SWT1: variants seen among roughly 807,000 people sequenced by gnomAD.
The protein encoded by SWT1 is SWT1 RNA endoribonuclease homolog.
Under a neutral mutation model 107.3 loss-of-function variants are expected in SWT1, and 33 were observed. That is an observed-to-expected ratio of 0.31 (90% CI 0.23 to 0.41). SWT1 has a LOEUF of 0.41. Among genes scored for constraint, SWT1 ranks in the 10% least tolerant of loss-of-function variants. The pLI is 1.00. For synonymous variants in SWT1, 345 were observed against 348.3 expected (o/e 0.99, Z 0.11); for missense variants, 898 against 1,028.9 (o/e 0.87, Z 1.74).
intron 16 of SWT1, chr1:185,266,699 G>A (rs1215392383): frequency 7.0e-6 from 1 of 143,714 alleles, no homozygotes; most frequent in Admixed American, 7.1e-5. Flanking sequence ...ATATTGATTT[G>A]TATTTACTAT....
intron 11 of SWT1, among the ~76,000 whole-genome samples, chr1:185,204,284 A>C (rs993416601): frequency 6.6e-6 from 1 of 152,114 alleles, no homozygotes; most frequent in Non-Finnish European, 1.5e-5. Flanking sequence ...CTCAAAAGAA[A>C]AAAAAAAAGA....
chr1:185,269,197 T>C (rs2102723942), intron 16 of SWT1, among the ~76,000 whole-genome samples: 1 of 152,296 alleles, frequency 6.6e-6, no homozygotes, highest in East Asian at 1.9e-4. Context: ...CACACTAGTT[T>C]GTTTCCCTTG....
At chr1:185,184,169 C>G in intron 7 of SWT1, 74 bp from the exon 8 acceptor site, 1 of 704,248 alleles carries the variant, frequency 1.4e-6, no homozygotes, top group East Asian at 2.8e-5. Context: ...TTCAATGCTT[C>G]TGTAATATCA....
intron 15 of SWT1, chr1:185,226,745 T>C (rs569741604): frequency 5.9e-6 from 3 of 511,446 alleles, no homozygotes; most frequent in Non-Finnish European, 9.5e-6. Flanking sequence ...TTTTTTTTTT[T>C]TTTGCTGTCC....
intron 16 of SWT1, among the ~76,000 whole-genome samples, chr1:185,247,016 T>C (rs1396769507): frequency 6.6e-6 from 1 of 152,208 alleles, no homozygotes; most frequent in African/African-American, 2.4e-5. Flanking sequence ...AATAGTGGCA[T>C]CAGCTCTTTT....
chr1:185,241,538 C>A (rs1661254599), intron 16 of SWT1, among the ~76,000 whole-genome samples: 1 of 152,038 alleles, frequency 6.6e-6, no homozygotes, highest in East Asian at 1.9e-4. Context: ...TTGCTTCATC[C>A]TTCATGCCAC....
Position 185,239,852 on chromosome 1 carries a change from T to C in SWT1, c.2441+8144T>C, listed in dbSNP as rs905318733. Among the ~76,000 whole-genome samples, 4 of 152,106 alleles carry C rather than the reference T, an allele frequency of 2.6e-5. No homozygotes were observed. In the South Asian group the frequency reaches 8.3e-4, roughly 31 times the overall value. On this transcript the variant is annotated intron_variant, in intron 16 of 18. Transcript: ENST00000367500. ...CCTTTTGCTTAGTATATAAAGATGA[T>C]AAAGTTTCATTTGGAACAAAATTAA... is the stretch of plus-strand genomic sequence containing the variant.
intron 15 of SWT1, among the ~76,000 whole-genome samples, chr1:185,230,135 A>G (rs188757194): frequency 7.9e-5 from 12 of 152,344 alleles, no homozygotes; most frequent in African/African-American, 2.6e-4. Flanking sequence ...TTTGGAAAGT[A>G]TAAAGTAGGG....
At position 185,231,582 on chromosome 1, in the gene SWT1, A is replaced by T. The variant is rs1660510902; in HGVS notation, c.2315A>T (p.Asp772Val). 6.2e-7 allele frequency: 1 copy of T among 1,606,414 alleles called. No individual in the cohort carries two copies. Among genetic ancestry groups the T allele is most frequent in the South Asian group, 1.1e-5 (1 of 90,596 alleles). The stretch of plus-strand genomic sequence containing the variant: ...CTTTTTTTTCTCTATTTTAGCACGG[A>T]TGTATTTCAAAGATTGGGCTCAAAT... Reference protein sequence around the residue: ...VWITIYQNSTDVFQRLGSNSA... With the variant: ...VWITIYQNSTVVFQRLGSNSA... Residue 772 changes from aspartate to valine, a missense_variant, in exon 16 of 19, where the codon GAT (aspartate) becomes GTT (valine). Physicochemically the swap from Asp to Val is radical, Grantham distance 152. This residue lies in a region of SWT1 where 382 missense variants were observed against 460.0 expected (regional missense o/e 0.83). Transcript: ENST00000367500.
chr1:185,168,453 A>G lies in SWT1; in HGVS notation c.224+55A>G, dbSNP rs60373073. On this transcript the variant is annotated intron_variant, in intron 4 of 18. Transcript: ENST00000367500. ...TTGGTTTAGAATTATGAGACTAAATATTTGGATTTAAAAATTTTTTTTATT... is the reference window on the plus strand; with the variant it reads ...TTGGTTTAGAATTATGAGACTAAATGTTTGGATTTAAAAATTTTTTTTATT... 5.5e-4 allele frequency: 645 copies of G among 1,171,496 alleles called. 4 individuals are homozygous for G. In the African/African-American group the frequency reaches 9.9e-3, roughly 18 times the overall value. 72.6% of individuals were successfully genotyped at this position (1,171,496 alleles called of 1,614,324 possible).
chr1:185,181,340 T>C (rs1656003003), intron 6 of SWT1, among the ~76,000 whole-genome samples: 1 of 152,256 alleles, frequency 6.6e-6, no homozygotes, highest in South Asian at 2.1e-4. Flanking sequence ...TTTTTCTGTT[T>C]TGAGGTGCTC....
chr1:185,162,915 G>A (rs1654270321), intron 2 of SWT1, among the ~76,000 whole-genome samples: 1 of 151,360 alleles, frequency 6.6e-6, no homozygotes, highest in African/African-American at 2.4e-5. Context: ...CCTGAGAATC[G>A]TGCCACTGCA....
At chr1:185,171,564 A>C in intron 4 of SWT1, 1 of 438,250 alleles carries the variant, frequency 2.3e-6, no homozygotes, top group Non-Finnish European at 4.4e-6. Flanking sequence ...TTTTCTGCTC[A>C]CTTTGATCCT....
intron 12 of SWT1, among the ~76,000 whole-genome samples, chr1:185,206,338 G>C (rs1285474504): frequency 6.6e-6 from 1 of 152,164 alleles, no homozygotes; most frequent in Non-Finnish European, 1.5e-5. Flanking sequence ...CAAGTAGATT[G>C]AAGGACCTTA....
At chr1:185,160,122 G>A (rs1177925219) in intron 1 of SWT1, among the ~76,000 whole-genome samples, 1 of 152,190 alleles carries the variant, frequency 6.6e-6, no homozygotes, top group African/African-American at 2.4e-5. Context: ...AAAAGCATGT[G>A]ATTTGCCAAA....
intron 1 of SWT1, 24 bp from the exon 2 acceptor site, chr1:185,160,809 C>T (rs1488933668): frequency 6.5e-7 from 1 of 1,545,674 alleles, no homozygotes; most frequent in South Asian, 1.2e-5. Flanking sequence ...AAAACAAATC[C>T]TATATTTTTA....
chr1:185,227,280 C>A, intron 15 of SWT1: 3 of 753,048 alleles, frequency 4.0e-6, no homozygotes, highest in Non-Finnish European at 7.3e-6. Context: ...GGTAAAGGCA[C>A]CTGGCTGACC....
At chr1:185,241,253 T>C (rs1173304422) in intron 16 of SWT1, among the ~76,000 whole-genome samples, 1 of 152,198 alleles carries the variant, frequency 6.6e-6, no homozygotes, top group Non-Finnish European at 1.5e-5. Flanking sequence ...TCTGAACTCA[T>C]TGCAGTGTGC....
Position 185,166,584 on chromosome 1 carries a change from A to G in SWT1, c.97A>G (p.Arg33Gly). The change falls in exon 3 of 19, where the codon AGA becomes GGA. Residue 33 changes from arginine (R) to glycine (G), a missense_variant. Transcript: ENST00000367500. ...ATTGCATTCTTAGGACAAGAAAGAG[A>G]GAAAAACCCCAGCAAGTTCTACTAG... ...PNFGEKDKKE[R>G]KTPASSTSSS... The G allele has an allele frequency of 2.5e-6, 4 of 1,601,298 alleles. No individual in the cohort carries two copies. The highest frequency in any genetic ancestry group is 3.4e-6 in the Non-Finnish European group (4 of 1,171,836).
Sources: allele counts gnomAD v4.1 joint callset (sites outside exome capture counted in the v4.1 genomes callset), GRCh38; gene constraint gnomAD v4.1.1; regional missense constraint gnomAD v4.1.1; transcripts MANE v1.5; gene names NCBI Gene and HGNC (gene_info 2026-07-23, HGNC 2026-07-21).